Variants in SCMH1 observed in about 807,000 individuals in gnomAD.
SCMH1 encodes the protein Scm polycomb group protein homolog 1, also known as polycomb protein SCMH1.
A neutral mutation model predicts 70.8 loss-of-function variants in SCMH1; 37 were observed. The observed-to-expected ratio is 0.52, with a 90% CI of 0.40 to 0.69. The LOEUF is 0.69. Among genes scored for constraint, SCMH1 ranks in the 30% least tolerant of loss-of-function variants. The pLI, the probability that SCMH1 is intolerant of heterozygous loss-of-function variation, is 0.00. For synonymous variants in SCMH1, 292 were observed against 307.4 expected (o/e 0.95, Z 0.52); for missense variants, 607 against 827.3 (o/e 0.73, Z 3.27).
intron 8 of SCMH1, among the ~76,000 whole-genome samples, chr1:41,089,787 C>CTTTTTTTTTATTTTTT (rs1662815496): frequency 1.7e-5 from 1 of 58,756 alleles, no homozygotes; most frequent in African/African-American, 7.4e-5. Flanking sequence ...CATGTTGTCT[C>CTTTTTTTTTATTTTTT]TTTTTTTTTT....
chr1:41,203,611 C>T (rs188609681), intron 1 of SCMH1, among the ~76,000 whole-genome samples: 98 of 152,302 alleles, frequency 6.4e-4, no homozygotes, highest in African/African-American at 2.0e-3. Flanking sequence ...ATGGCCATAA[C>T]GCCCACGCAG....
At position 41,183,533 on chromosome 1, in the gene SCMH1, G is replaced by T. The variant is rs149870159; in HGVS notation, c.13+2588C>A. Among the ~76,000 whole-genome samples, 120 of 152,100 alleles carry T rather than the reference G, an allele frequency of 7.9e-4. 2 individuals are homozygous for T. The highest frequency in any genetic ancestry group is 2.7e-3 in the African/African-American group (111 of 41,504). On this transcript the variant is annotated intron_variant, in intron 2 of 14. Coordinates refer to ENST00000337495, the Ensembl canonical transcript of SCMH1. The stretch of plus-strand genomic sequence containing the variant: ...AATATTATTTTGTAACAGCTTTCTG[G>T]TGACAGCCCTAAGCAAAGTAGTAGT...
At chr1:41,206,328 A>G (rs1307819999) in intron 1 of SCMH1, among the ~76,000 whole-genome samples, 1 of 152,224 alleles carries the variant, frequency 6.6e-6, no homozygotes, top group African/African-American at 2.4e-5. Flanking sequence ...TAACTAGAAT[A>G]AACAGTGTAG....
chr1:41,070,662 T>C (rs1179712924), exon 10 of SCMH1: 2 of 1,613,978 alleles, frequency 1.2e-6, no homozygotes, highest in East Asian at 4.5e-5. Flanking sequence ...TGGTATCCGG[T>C]TCAGGAGTGC....
chr1:41,061,535 C>T (rs1456295400), intron 10 of SCMH1, among the ~76,000 whole-genome samples: 2 of 152,100 alleles, frequency 1.3e-5, no homozygotes, highest in Non-Finnish European at 2.9e-5. Flanking sequence ...ACATATCATT[C>T]CTTAATGTGT....
chr1:41,131,778 G>A lies in SCMH1; in HGVS notation c.412+11100C>T, dbSNP rs529324978. Among the ~76,000 whole-genome samples the A allele has an allele frequency of 1.4e-4, 21 of 151,882 alleles. No homozygotes were observed. The South Asian group carries it at 3.9e-3, about 29-fold the overall frequency. On this transcript the variant is annotated intron_variant, in intron 6 of 14. Coordinates refer to ENST00000337495, the Ensembl canonical transcript of SCMH1. ...TCCACGTGTTCTCATTGTTCAACTC[G>A]CACTTATGAGAATGTGCAGTGTTTG...
chr1:41,220,261 A>G (rs923874695), intron 1 of SCMH1, among the ~76,000 whole-genome samples: 1 of 152,228 alleles, frequency 6.6e-6, no homozygotes, highest in Non-Finnish European at 1.5e-5. Flanking sequence ...GCAAGCACCA[A>G]CTGCATTGTG....
intron 8 of SCMH1, among the ~76,000 whole-genome samples, chr1:41,100,289 A>G (rs963306279): frequency 3.9e-5 from 6 of 152,208 alleles, no homozygotes; most frequent in East Asian, 1.9e-4. Flanking sequence ...CCTGGGCAAC[A>G]TAGTGAGATC....
At chr1:41,221,893 C>CAAAAAAAAA (rs34257855) in intron 1 of SCMH1, among the ~76,000 whole-genome samples, 1 of 45,020 alleles carries the variant, frequency 2.2e-5, no homozygotes, top group Non-Finnish European at 3.5e-5. Flanking sequence ...GACTCCGTCT[C>CAAAAAAAAA]AAAAAAAAAA....
At chr1:41,225,341 A>G (rs1258524287) in intron 1 of SCMH1, among the ~76,000 whole-genome samples, 1 of 152,166 alleles carries the variant, frequency 6.6e-6, no homozygotes, top group East Asian at 1.9e-4. Context: ...GGAGGCAGTC[A>G]TATAGTTTGC....
At chr1:41,138,192 G>T (rs1390794727) in intron 6 of SCMH1, among the ~76,000 whole-genome samples, 1 of 152,056 alleles carries the variant, frequency 6.6e-6, no homozygotes, top group Non-Finnish European at 1.5e-5. Context: ...CCTTGTAAAA[G>T]ACTTGGCTTT....
chr1:41,192,534 A>G (rs1202918341), intron 1 of SCMH1, among the ~76,000 whole-genome samples: 1 of 151,440 alleles, frequency 6.6e-6, no homozygotes, highest in East Asian at 1.9e-4. Flanking sequence ...ACCACTTAGA[A>G]CAGTACCTGG....
intron 6 of SCMH1, among the ~76,000 whole-genome samples, chr1:41,139,612 T>A (rs1457354579): frequency 1.3e-5 from 2 of 152,182 alleles, no homozygotes; most frequent in Non-Finnish European, 2.9e-5. Flanking sequence ...CACTACAGTG[T>A]AAGAATGAAG....
At chr1:41,075,348 C>G in exon 9 of SCMH1, 1 of 1,614,140 alleles carries the variant, frequency 6.2e-7, no homozygotes, top group Non-Finnish European at 8.5e-7. Flanking sequence ...GTTTACGCCC[C>G]CTCTGCCCTG....
At chr1:41,097,666 T>C (rs2149072567) in intron 8 of SCMH1, among the ~76,000 whole-genome samples, 2 of 152,300 alleles carry the variant, frequency 1.3e-5, no homozygotes, top group South Asian at 4.1e-4. Context: ...CAAATACCAC[T>C]GCCTCAACTT....
intron 5 of SCMH1, among the ~76,000 whole-genome samples, chr1:41,147,048 T>C (rs1426636629): frequency 5.9e-5 from 9 of 152,172 alleles, no homozygotes; most frequent in Non-Finnish European, 4.4e-5. Flanking sequence ...TTGTTCTACA[T>C]CTTTGCCACT....
intron 6 of SCMH1, among the ~76,000 whole-genome samples, chr1:41,139,515 G>A (rs1253286133): frequency 6.6e-6 from 1 of 152,104 alleles, no homozygotes; most frequent in Non-Finnish European, 1.5e-5. Flanking sequence ...GATTTACATG[G>A]TCACTATGTT....
chr1:41,154,355 T>C (rs969811482), intron 4 of SCMH1, among the ~76,000 whole-genome samples: 1 of 152,224 alleles, frequency 6.6e-6, no homozygotes, highest in African/African-American at 2.4e-5. Flanking sequence ...TCTGAAGATG[T>C]TGGTAAAAGT....
At chr1:41,031,618 A>C (rs541226339) in intron 13 of SCMH1, among the ~76,000 whole-genome samples, 176 of 152,218 alleles carry the variant, frequency 1.2e-3, no homozygotes, top group African/African-American at 4.0e-3. Flanking sequence ...AACAGATGGA[A>C]AGTTGGAGGG....
Sources: gnomAD v4.1 joint callset for allele counts (sites outside exome capture counted in the v4.1 genomes callset) on GRCh38, gnomAD v4.1.1 for gene constraint, MANE v1.5 for transcripts, NCBI Gene and HGNC (gene_info 2026-07-23, HGNC 2026-07-21) for gene names.